The following DMXL2 variants were observed in gnomAD, a reference collection of about 807,000 sequenced individuals.
DMXL2 encodes the protein dmX-like protein 2.
In DMXL2, 103 loss-of-function variants were observed where a neutral mutation model predicts 331.1. That is an observed-to-expected ratio of 0.31 (90% CI 0.27 to 0.37). The LOEUF (loss-of-function observed/expected upper bound fraction) is 0.37, where lower values mean the gene tolerates loss of function less well. Among genes scored for constraint, DMXL2 ranks in the 10% least tolerant of loss-of-function variants. The probability of loss-of-function intolerance (pLI) is 1.00; values close to 1 mark genes in which losing one functional copy is unlikely to be tolerated. For synonymous variants in DMXL2, 1,281 were observed against 1,252.1 expected, an observed-to-expected ratio of 1.02 and a Z score of -0.49; for missense variants, 3,171 against 3,642.9, an observed-to-expected ratio of 0.87 and a Z score of 3.33.
chr15:51,509,032 AT>A (rs1216002228), intron 15 of DMXL2, among the ~76,000 whole-genome samples: 5 of 151,802 alleles, frequency 3.3e-5, no homozygotes, highest in East Asian at 3.9e-4. Context: ...AGATATCCAA[AT>A]TTTTTTTTCT....
In DMXL2 at chr15:51,479,978, T is replaced by C; in HGVS notation, c.6726A>G (p.Thr2242=). The C allele has an allele frequency of 6.6e-7, 1 of 1,521,148 alleles. No individual in the cohort carries two copies. Among genetic ancestry groups the C allele is most frequent in the African/African-American group, 1.4e-5 (1 of 73,126 alleles). 94.2% of individuals were successfully genotyped at this position (1,521,148 alleles called of 1,614,324 possible). A position where few individuals can be genotyped will look rare whatever the true frequency, so the allele number is the denominator to read the frequency against. ...CATCTTCAATACTGGGATGAGGTGG[T>C]GTTTTCATCTGAACAATAGTATAAA... ...DILYTIVQMK[T]PPHPSIEDVK... The change falls in exon 25 of 44, where the codon ACA becomes ACG. Residue 2242 remains threonine (T), a synonymous_variant. Transcript: ENST00000560891.
chr15:51,591,440 C>A (rs4465557), intron 1 of DMXL2, among the ~76,000 whole-genome samples: 70 of 152,172 alleles, frequency 4.6e-4, no homozygotes, highest in African/African-American at 1.5e-3. Flanking sequence ...TGGGAAGCTC[C>A]AACTGGGTGG....
rs144256738 is a variant in DMXL2 at position 51,543,621 on chromosome 15, A to G, written c.931-1114T>C. ...CTATTTTCTCCTAGAAACAAAACAT[A>G]TAACTTAAGAATATATACAATTATA... On this transcript the variant is annotated intron_variant, in intron 8 of 43. Transcript: ENST00000560891. 7.6e-3 allele frequency among the ~76,000 whole-genome samples: 1,154 copies of G among 152,320 alleles called. 18 individuals carry two copies. Among genetic ancestry groups the G allele is most frequent in the African/African-American group, 0.026 (1,089 of 41,562 alleles).
Position 51,518,947 on chromosome 15 carries a change from T to G in DMXL2, c.2437-1780A>C, listed in dbSNP as rs141240091. ...AAAGCATTCGCCCAGGGTGCAAAATTTAAAAGAGTGCTCAAAAATTCAATA... is the reference window on the plus strand; with the variant it reads ...AAAGCATTCGCCCAGGGTGCAAAATGTAAAAGAGTGCTCAAAAATTCAATA... On this transcript the variant is annotated intron_variant, in intron 13 of 43. Transcript: ENST00000560891. 9.6e-3 allele frequency among the ~76,000 whole-genome samples: 1,454 copies of G among 152,168 alleles called. 17 individuals are homozygous for G. The highest frequency in any genetic ancestry group is 0.033 in the African/African-American group (1,385 of 41,536).
chr15:51,486,282 T>C lies in DMXL2; in HGVS notation c.5273A>G (p.Tyr1758Cys). 1.9e-6 allele frequency: 3 copies of C among 1,610,922 alleles called. No individual in the cohort carries two copies. The highest frequency in any genetic ancestry group is 2.5e-6 in the Non-Finnish European group (3 of 1,177,258). Residue 1758 changes from tyrosine to cysteine, a missense_variant, in exon 23 of 44, where the codon TAT becomes TGT. By Grantham distance (194) the Tyr-to-Cys change is radical. Transcript: ENST00000560891. ...IQLAMVIARL[Y>C]ESEFETSSTY... The stretch of plus-strand genomic sequence containing the variant: ...GGATGAAGTCTCAAATTCAGATTCA[T>C]ATAAACGGGCAATAACCATGGCTAG...
chr15:51,566,232 G>GGTGTGTGT (rs71127197), intron 3 of DMXL2, among the ~76,000 whole-genome samples: 22 of 144,728 alleles, frequency 1.5e-4, no homozygotes, highest in South Asian at 4.5e-4. Flanking sequence ...GTGTGTGTGG[G>GGTGTGTGT]GTGTGTGTGT....
At chr15:51,581,971 C>T (rs1312344744) in intron 1 of DMXL2, among the ~76,000 whole-genome samples, 4 of 152,134 alleles carry the variant, frequency 2.6e-5, no homozygotes, top group African/African-American at 7.2e-5. Context: ...ACCAAGAATA[C>T]TATATCAAGA....
intron 2 of DMXL2, among the ~76,000 whole-genome samples, chr15:51,570,345 T>C (rs2050582209): frequency 6.6e-6 from 1 of 151,988 alleles, no homozygotes; most frequent in African/African-American, 2.4e-5. Context: ...ACGGGGAGAA[T>C]GGAACCAAGT....
intron 19 of DMXL2, among the ~76,000 whole-genome samples, chr15:51,493,445 G>A (rs1325465358): frequency 1.3e-5 from 2 of 151,940 alleles, no homozygotes; most frequent in Non-Finnish European, 2.9e-5. Flanking sequence ...ACCTGCAGAG[G>A]TGAAAAAAGT....
chr15:51,474,301 T>C (rs188273011), intron 28 of DMXL2, 43 bp downstream of exon 28: 36 of 1,522,490 alleles, frequency 2.4e-5, no homozygotes, highest in Non-Finnish European at 2.9e-5. Context: ...ACATTCAAAA[T>C]GATTAACATT....
At position 51,581,104 on chromosome 15, in the gene DMXL2, T is replaced by G. The variant is rs1408988577; in HGVS notation, c.88-4923A>C. 2.0e-5 allele frequency among the ~76,000 whole-genome samples: 3 copies of G among 152,146 alleles called. No homozygotes were observed. The East Asian group carries it at 5.8e-4, about 29-fold the overall frequency. On this transcript the variant is annotated intron_variant, in intron 1 of 43. Coordinates refer to ENST00000560891, the MANE Select transcript of DMXL2 (RefSeq NM_001378457.1). The stretch of plus-strand genomic sequence containing the variant: ...TTCCTACTACCAGTCCATGGCCTGT[T>G]AGGAACTGGGCCTCACAGCAGGAGG...
At chr15:51,449,222 A>G in intron 43 of DMXL2, 29 bp from the exon 44 acceptor site, 1 of 1,610,060 alleles carries the variant, frequency 6.2e-7, no homozygotes, top group Non-Finnish European at 8.5e-7. Flanking sequence ...AGTTAAAAAT[A>G]TATTACGAAA....
intron 14 of DMXL2, among the ~76,000 whole-genome samples, chr15:51,516,640 TA>T (rs1338028735): frequency 6.6e-6 from 1 of 152,238 alleles, no homozygotes; most frequent in African/African-American, 2.4e-5. Context: ...ATTCCTTTTT[TA>T]AAAAATTTTA....
intron 1 of DMXL2, among the ~76,000 whole-genome samples, chr15:51,590,100 C>T (rs879323688): frequency 3.9e-5 from 6 of 152,208 alleles, no homozygotes; most frequent in Non-Finnish European, 7.3e-5. Context: ...CAGTATAAAA[C>T]TGACTGGATC....
intron 6 of DMXL2, among the ~76,000 whole-genome samples, chr15:51,551,213 GC>G (rs1308416333): frequency 2.6e-5 from 4 of 151,826 alleles, no homozygotes; most frequent in African/African-American, 9.7e-5. Flanking sequence ...TGAGAAAATA[GC>G]TTTTTCAATC....
intron 1 of DMXL2, among the ~76,000 whole-genome samples, chr15:51,589,541 G>A (rs1447166491): frequency 6.6e-6 from 1 of 152,198 alleles, no homozygotes; most frequent in African/African-American, 2.4e-5. Flanking sequence ...ATTTGGCCAT[G>A]AAATTAGGGT....
At chr15:51,498,447 A>C in intron 18 of DMXL2, 105 bp downstream of exon 18, 1 of 1,192,224 alleles carries the variant, frequency 8.4e-7, no homozygotes, top group South Asian at 1.6e-5. Flanking sequence ...TTTTCCCTGC[A>C]AAGTTTGAAA....
Position 51,450,051 on chromosome 15 carries a change from T to C in DMXL2, c.8967+78A>G, listed in dbSNP as rs549125300. 6.0e-6 allele frequency: 8 copies of C among 1,325,968 alleles called. 1 individual carries two copies. In the East Asian group the frequency reaches 7.4e-5, roughly 12 times the overall value. The allele number at this position is 1,325,968 out of a possible 1,614,324, so 82.1% of individuals were successfully genotyped here. A position where few individuals can be genotyped will look rare whatever the true frequency, so the allele number is the denominator to read the frequency against. ...CCAAGTGAAATAAAGTGAAGCTTTATTTCAAAGAATGTGGAGTTTTTGTTT... is the reference window on the plus strand; with the variant it reads ...CCAAGTGAAATAAAGTGAAGCTTTACTTCAAAGAATGTGGAGTTTTTGTTT... On this transcript the variant is annotated intron_variant, in intron 43 of 43. Coordinates refer to ENST00000560891, the MANE Select transcript of DMXL2 (RefSeq NM_001378457.1).
At chr15:51,560,168 A>G (rs1264979642) in intron 6 of DMXL2, among the ~76,000 whole-genome samples, 7 of 152,220 alleles carry the variant, frequency 4.6e-5, no homozygotes. Flanking sequence ...CTTTTATAGC[A>G]TCACAGTAAG....
Sources: gnomAD v4.1 joint callset for allele counts (sites outside exome capture counted in the v4.1 genomes callset) on GRCh38, gnomAD v4.1.1 for gene constraint, MANE v1.5 for transcripts, NCBI Gene and HGNC (gene_info 2026-07-23, HGNC 2026-07-21) for gene names.